Variants in CSF1R observed in about 807,000 individuals in gnomAD.
CSF1R encodes the protein macrophage colony-stimulating factor 1 receptor.
Under a neutral mutation model 110.0 loss-of-function variants are expected in CSF1R, and 40 were observed. The observed-to-expected ratio is 0.36, with a 90% CI of 0.28 to 0.47. The LOEUF (loss-of-function observed/expected upper bound fraction) is 0.47. CSF1R is among the 20% of genes least tolerant of loss of function. CSF1R has a pLI of 0.99. For synonymous variants in CSF1R, 523 were observed against 503.4 expected, an observed-to-expected ratio of 1.04 and a Z score of -0.52; for missense variants, 1,052 against 1,253.0, an observed-to-expected ratio of 0.84 and a Z score of 2.42.
chr5:150,085,584 C>T (rs942648573), intron 1 of CSF1R, among the ~76,000 whole-genome samples: 1 of 152,130 alleles, frequency 6.6e-6, no homozygotes, highest in African/African-American at 2.4e-5. Flanking sequence ...AGCCTGGGGA[C>T]CTCCTGAGAC....
chr5:150,080,390 G>A, intron 2 of CSF1R, 54 bp from the exon 3 acceptor site: 1 of 1,579,796 alleles, frequency 6.3e-7, no homozygotes, highest in South Asian at 1.2e-5. Flanking sequence ...CTGGGCCAAG[G>A]AGTACCTGGA....
intron 5 of CSF1R, among the ~76,000 whole-genome samples, chr5:150,075,699 G>T (rs1394821838): frequency 6.6e-6 from 1 of 152,178 alleles, no homozygotes; most frequent in African/African-American, 2.4e-5. Context: ...TGTTTCACTT[G>T]CAGCTGTATC....
chr5:150,108,626 G>A (rs759327427), intron 1 of CSF1R, among the ~76,000 whole-genome samples: 1 of 152,082 alleles, frequency 6.6e-6, no homozygotes, highest in African/African-American at 2.4e-5. Context: ...TCTTCAGAGG[G>A]GAAAAAAGGG....
intron 1 of CSF1R, among the ~76,000 whole-genome samples, chr5:150,107,912 C>T (rs1300360483): frequency 1.3e-5 from 2 of 152,178 alleles, no homozygotes; most frequent in Non-Finnish European, 2.9e-5. Context: ...GTGAACAGGT[C>T]AGCTGTGGTC....
At chr5:150,102,700 G>T (rs182224793) in intron 1 of CSF1R, among the ~76,000 whole-genome samples, 2 of 152,258 alleles carry the variant, frequency 1.3e-5, no homozygotes, top group Admixed American at 6.5e-5. Context: ...GGCTGGTCTC[G>T]AACTCCAGAC....
Position 150,073,364 on chromosome 5 carries a change from C to T in CSF1R, c.1019G>A (p.Gly340Glu). Residue 340 changes from glycine to glutamate, a missense_variant, in exon 6 of 21, where the codon GGA becomes GAA. Physicochemically the swap from Gly to Glu is moderately conservative, Grantham distance 98. Around this residue, in one of 5 missense-constraint regions of CSF1R, gnomAD observed 693 missense variants for 735.4 expected, o/e 0.94. Transcript: ENST00000675795. Reference sequence around the variant, plus strand: ...CTCAGGCTGGTGGTCAGAAAAGGGTCCCAGGTAGGTCCAGTTAAAACCTTG... The same window carrying T: ...CTCAGGCTGGTGGTCAGAAAAGGGTTCCAGGTAGGTCCAGTTAAAACCTTG... ...GLQGFNWTYL[G>E]PFSDHQPEPK... 6.2e-7 allele frequency: 1 copy of T among 1,614,090 alleles called. No homozygotes were observed. The highest frequency in any genetic ancestry group is 1.1e-5 in the South Asian group (1 of 91,072).
In CSF1R at chr5:150,057,540, C is replaced by CA; in HGVS notation, c.2184dup (p.Val729CysfsTer7). On this transcript the variant is annotated frameshift_variant, in exon 15 of 21. Coordinates refer to ENST00000675795, the MANE Select transcript of CSF1R (RefSeq NM_001288705.3). LOFTEE classifies it high-confidence loss of function. Reference sequence around the variant, plus strand: ...AAGGAGTCATTTGAAGAAGTGGAGACAGGCCTCATCTCCACATAGGTGTCC... The same window carrying CA: ...AAGGAGTCATTTGAAGAAGTGGAGACAAGGCCTCATCTCCACATAGGTGTCC... 6.2e-7 allele frequency: 1 copy of CA among 1,614,270 alleles called. No individual in the cohort carries two copies. Among genetic ancestry groups the CA allele is most frequent in the Non-Finnish European group, 8.5e-7 (1 of 1,180,040 alleles).
Position 150,078,193 on chromosome 5 carries a change from T to G in CSF1R, c.648A>C (p.Arg216=). 1.2e-6 allele frequency: 2 copies of G among 1,614,064 alleles called. No homozygotes were observed. The highest frequency in any genetic ancestry group is 1.1e-5 in the South Asian group (1 of 91,070). Residue 216 remains arginine (R), a synonymous_variant, in exon 4 of 21, where the codon CGA becomes CGC. Coordinates refer to ENST00000675795, the MANE Select transcript of CSF1R (RefSeq NM_001288705.3). ...TLVPAELVRI[R]GEAAQIVCSA... ...AGCACACGATCTGGGCAGCCTCCCC[T>G]CGAATCCGCACCAGCTCTGCAGGCA...
In CSF1R at chr5:150,053,763, A is replaced by G; in HGVS notation, c.*306T>C. ...AAGTCAGTCCATTTCCATGAAGATA[A>G]GGGGATTAGGAAAGAAGGTTCTACT... is the stretch of plus-strand genomic sequence containing the variant. On this transcript the variant is annotated 3_prime_UTR_variant, in exon 21 of 21. Coordinates refer to ENST00000675795, the MANE Select transcript of CSF1R (RefSeq NM_001288705.3). 1 of 473,246 alleles carries G rather than the reference A, an allele frequency of 2.1e-6. No homozygotes were observed. Among genetic ancestry groups the G allele is most frequent in the Non-Finnish European group, 3.8e-6 (1 of 259,960 alleles). 29.3% of individuals were successfully genotyped at this position (473,246 alleles called of 1,614,324 possible). A position where few individuals can be genotyped will look rare whatever the true frequency, so the allele number is the denominator to read the frequency against.
At position 150,094,836 on chromosome 5, in the gene CSF1R, C is replaced by T. The variant is rs1325358718; in HGVS notation, c.-180-8229G>A. The T allele has an allele frequency of 1.6e-5, 21 of 1,276,582 alleles. 2 individuals are homozygous for T. The highest frequency in any genetic ancestry group is 2.0e-5 in the Non-Finnish European group (18 of 902,460). The allele number at this position is 1,276,582 out of a possible 1,614,324, so 79.1% of individuals were successfully genotyped here. On this transcript the variant is annotated intron_variant, in intron 1 of 21. Coordinates refer to the CSF1R transcript ENST00000286301. The stretch of plus-strand genomic sequence containing the variant: ...AGATAACGCTTTGATTGCTCGATCT[C>T]TTGGTAAATACGGCATCATCTGCGT...
At chr5:150,088,655 T>C (rs1310737778), upstream of CSF1R, among the ~76,000 whole-genome samples, 1 of 151,970 alleles carries the variant, frequency 6.6e-6, no homozygotes, top group Non-Finnish European at 1.5e-5. Context: ...TGCCTCAAAC[T>C]CCCGAGTAGC....
At position 150,071,926 on chromosome 5, in the gene CSF1R, A is replaced by T. The variant is rs1020302460; in HGVS notation, c.1083-1355T>A. ...GACAATTGACAAGCAAGATTGTGGGAATCAATGAGGTTTGGGCTTCCAGAG... is the reference window on the plus strand; with the variant it reads ...GACAATTGACAAGCAAGATTGTGGGTATCAATGAGGTTTGGGCTTCCAGAG... On this transcript the variant is annotated intron_variant, in intron 6 of 20. Transcript: ENST00000675795. 2.6e-5 allele frequency among the ~76,000 whole-genome samples: 4 copies of T among 152,214 alleles called. No homozygotes were observed. In the East Asian group the frequency reaches 7.7e-4, roughly 29 times the overall value.
chr5:150,066,237 C>G (rs1264050053), intron 10 of CSF1R, among the ~76,000 whole-genome samples: 1 of 152,204 alleles, frequency 6.6e-6, no homozygotes, highest in Non-Finnish European at 1.5e-5. Flanking sequence ...CAGAGACTGT[C>G]TCGTCCAGCA....
At chr5:150,104,550 T>G (rs1759491530) in intron 1 of CSF1R, among the ~76,000 whole-genome samples, 1 of 152,220 alleles carries the variant, frequency 6.6e-6, no homozygotes, top group Admixed American at 6.5e-5. Flanking sequence ...GCTCACTATG[T>G]GAAAGGCAGC....
At chr5:150,074,205 G>A (rs950128343) in intron 5 of CSF1R, among the ~76,000 whole-genome samples, 1 of 152,000 alleles carries the variant, frequency 6.6e-6, no homozygotes, top group Non-Finnish European at 1.5e-5. Flanking sequence ...TGTTCCTGAA[G>A]CTGATATCCA....
At chr5:150,067,270 TC>T in intron 10 of CSF1R, 1 of 152,060 alleles carries the variant, frequency 6.6e-6, no homozygotes, top group East Asian at 1.9e-4. Flanking sequence ...ACTTCCTGCC[TC>T]CAGCTTCTTG....
Position 150,068,280 on chromosome 5 carries a change from C to T in CSF1R, c.1561G>A (p.Ala521Thr), listed in dbSNP as rs763119382. 8.7e-6 allele frequency: 14 copies of T among 1,612,852 alleles called. No individual in the cohort carries two copies. The highest frequency in any genetic ancestry group is 6.7e-5 in the African/African-American group (5 of 75,034). Residue 521 changes from alanine to threonine, a missense_variant, in exon 10 of 21, where the codon GCC becomes ACC. Coordinates refer to ENST00000675795, the MANE Select transcript of CSF1R (RefSeq NM_001288705.3). Reference sequence around the variant, plus strand: ...AGCAAGGCCATGATGGACATGCAGGCGACCACCACTGGTGTGAAGAGGAAC... The same window carrying T: ...AGCAAGGCCATGATGGACATGCAGGTGACCACCACTGGTGTGAAGAGGAAC... ...DEFLFTPVVV[A>T]CMSIMALLLL... is the part of the protein sequence containing the mutation.
Position 150,086,361 on chromosome 5 carries a change from C to T in CSF1R, c.49+18G>A, listed in dbSNP as rs375924060. ...ATCACACCCCAACAAAGTCCCCCAC[C>T]CCCCGTTCTGCTCTTACCATGCCAA... On this transcript the variant is annotated intron_variant, in intron 1 of 20. Coordinates refer to ENST00000675795, the MANE Select transcript of CSF1R (RefSeq NM_001288705.3). 1 of 1,596,552 alleles carries T rather than the reference C, an allele frequency of 6.3e-7. No individual in the cohort carries two copies. The highest frequency in any genetic ancestry group is 1.3e-5 in the African/African-American group (1 of 74,674).
At chr5:150,081,633 C>T (rs999810920) in intron 1 of CSF1R, among the ~76,000 whole-genome samples, 11 of 152,184 alleles carry the variant, frequency 7.2e-5, no homozygotes, top group Admixed American at 7.2e-4. Flanking sequence ...ATCATCGTAC[C>T]CACTCATTGG....
Sources: gnomAD v4.1 joint callset for allele counts (sites outside exome capture counted in the v4.1 genomes callset) on GRCh38, gnomAD v4.1.1 for gene constraint, gnomAD v4.1.1 regional missense constraint, MANE v1.5 for transcripts, NCBI Gene and HGNC (gene_info 2026-07-23, HGNC 2026-07-21) for gene names.